The following TP63 variants were observed in gnomAD, a reference collection of about 807,000 sequenced individuals.
The protein encoded by TP63 is tumor protein 63.
TP63 carries 17 observed loss-of-function variants against 82.8 expected under a neutral mutation model. The ratio of observed to expected loss-of-function variants is 0.21; its 90% CI spans 0.14 to 0.31. The LOEUF (loss-of-function observed/expected upper bound fraction) is 0.31. TP63 is among the 10% of genes least tolerant of loss of function. The pLI is 1.00. For missense variants in TP63, 648 were observed against 895.3 expected, an observed-to-expected ratio of 0.72 and a Z score of 3.52; for synonymous variants, 330 against 321.7, an observed-to-expected ratio of 1.03 and a Z score of -0.28.
intron 1 of TP63, among the ~76,000 whole-genome samples, chr3:189,730,585 C>T (rs1560140981): frequency 6.6e-6 from 1 of 152,202 alleles, no homozygotes; most frequent in Non-Finnish European, 1.5e-5. Context: ...GTAACAACTT[C>T]CCTATCCTTG....
At chr3:189,873,650 A>G (rs1240240259) in intron 10 of TP63, 1 of 157,746 alleles carries the variant, frequency 6.3e-6, no homozygotes, top group Non-Finnish European at 1.4e-5. Flanking sequence ...CCATATACAT[A>G]TAACCTATTT....
chr3:189,665,521 A>C (rs1379184600), intron 1 of TP63, among the ~76,000 whole-genome samples: 1 of 152,114 alleles, frequency 6.6e-6, no homozygotes, highest in African/African-American at 2.4e-5. Flanking sequence ...ATTTGATGTT[A>C]TTGATATTTG....
intron 1 of TP63, among the ~76,000 whole-genome samples, chr3:189,684,410 T>G (rs1716237892): frequency 6.6e-6 from 1 of 152,006 alleles, no homozygotes; most frequent in Admixed American, 6.5e-5. Flanking sequence ...CTTTACAAAG[T>G]CAAAAAAGAT....
chr3:189,639,887 A>G (rs1036389483), intron 1 of TP63, among the ~76,000 whole-genome samples: 9 of 152,170 alleles, frequency 5.9e-5, no homozygotes, highest in African/African-American at 1.9e-4. Flanking sequence ...AGTCAAGTAT[A>G]TTATGCCTTA....
chr3:189,852,593 C>T (rs936042407), intron 4 of TP63, among the ~76,000 whole-genome samples: 2 of 152,146 alleles, frequency 1.3e-5, no homozygotes, highest in Non-Finnish European at 2.9e-5. Context: ...TTTCTACTGC[C>T]CTAGGTTGGG....
At chr3:189,834,676 C>T (rs755563334) in intron 4 of TP63, among the ~76,000 whole-genome samples, 3 of 152,164 alleles carry the variant, frequency 2.0e-5, no homozygotes, top group Non-Finnish European at 4.4e-5. Context: ...TTTCATCTGT[C>T]TGGTGATTAA....
chr3:189,817,960 C>T (rs781171850), intron 4 of TP63, among the ~76,000 whole-genome samples: 5 of 151,190 alleles, frequency 3.3e-5, no homozygotes, highest in East Asian at 1.9e-4. Flanking sequence ...AATAAATATG[C>T]GCATTTAGAT....
intron 1 of TP63, among the ~76,000 whole-genome samples, chr3:189,686,833 C>A (rs933602594): frequency 6.6e-6 from 1 of 150,936 alleles, no homozygotes; most frequent in African/African-American, 2.4e-5. Flanking sequence ...CAGGTTCAAG[C>A]GATTCTCCTG....
intron 1 of TP63, among the ~76,000 whole-genome samples, chr3:189,672,209 G>C (rs1047593041): frequency 5.9e-5 from 9 of 151,954 alleles, no homozygotes; most frequent in African/African-American, 2.2e-4. Context: ...GAAAAAAATA[G>C]GTTGCAGCCA....
intron 3 of TP63, among the ~76,000 whole-genome samples, chr3:189,782,206 G>A (rs368403310): frequency 2.6e-5 from 4 of 152,280 alleles, no homozygotes; most frequent in African/African-American, 9.6e-5. Context: ...ATATCCCAGT[G>A]TGGAATCAGA....
In TP63 at chr3:189,869,512, G is replaced by A. The variant is rs6765966; in HGVS notation, c.1212+106G>A. On this transcript the variant is annotated intron_variant, in intron 9 of 13. Transcript: ENST00000264731. Reference sequence around the variant, plus strand: ...TATCTGTGACAATGGGAAAGGAGGTGTCTTAGTCAGTTGAAGCTGCTACAA... The same window carrying A: ...TATCTGTGACAATGGGAAAGGAGGTATCTTAGTCAGTTGAAGCTGCTACAA... The A allele has an allele frequency of 4.3e-4, 440 of 1,017,572 alleles. 3 individuals are homozygous for A. In the African/African-American group the frequency reaches 6.3e-3, roughly 14 times the overall value. The allele number at this position is 1,017,572 out of a possible 1,614,324, so 63.0% of individuals were successfully genotyped here.
chr3:189,744,744 T>C (rs1364107310), intron 3 of TP63, among the ~76,000 whole-genome samples: 2 of 152,188 alleles, frequency 1.3e-5, no homozygotes, highest in Non-Finnish European at 2.9e-5. Flanking sequence ...CTCAAGAACC[T>C]GCCTACCCAC....
intron 4 of TP63, among the ~76,000 whole-genome samples, chr3:189,831,818 CTTTTTTTTTT>C (rs1156431272): frequency 1.4e-5 from 1 of 73,170 alleles, no homozygotes; most frequent in Non-Finnish European, 2.5e-5. Flanking sequence ...CTATTATGCT[CTTTTTTTTTT>C]TTTTTTTTTT....
At chr3:189,834,310 C>T (rs1483820315) in intron 4 of TP63, among the ~76,000 whole-genome samples, 1 of 152,134 alleles carries the variant, frequency 6.6e-6, no homozygotes, top group Non-Finnish European at 1.5e-5. Context: ...ATGTGTCTTA[C>T]TGGCACTGAC....
chr3:189,824,740 C>T (rs1729155231), intron 4 of TP63, among the ~76,000 whole-genome samples: 1 of 151,942 alleles, frequency 6.6e-6, no homozygotes, highest in Admixed American at 6.6e-5. Flanking sequence ...GAGGGAGAGG[C>T]CCTTGTCAGA....
intron 1 of TP63, among the ~76,000 whole-genome samples, chr3:189,632,511 A>G (rs569739671): frequency 2.6e-5 from 4 of 152,304 alleles, no homozygotes; most frequent in African/African-American, 9.6e-5. Context: ...GCTACAACGT[A>G]GAACACTAAT....
the TP63 span, among the ~76,000 whole-genome samples, chr3:189,625,927 A>G: frequency 2.0e-5 from 3 of 152,230 alleles, no homozygotes; most frequent in East Asian, 3.9e-4. Context: ...TCCTGCCCCA[A>G]TTGGCCTCTG....
intron 3 of TP63, among the ~76,000 whole-genome samples, chr3:189,788,303 A>G (rs1403137839): frequency 6.6e-6 from 1 of 152,024 alleles, no homozygotes; most frequent in East Asian, 1.9e-4. Flanking sequence ...TATTACCAGT[A>G]ACCTATGGGT....
At chr3:189,647,429 T>G (rs1712509315) in intron 1 of TP63, among the ~76,000 whole-genome samples, 1 of 147,036 alleles carries the variant, frequency 6.8e-6, no homozygotes, top group South Asian at 2.2e-4. Flanking sequence ...TCACTAAATA[T>G]GACTCATATT....
Sources: gnomAD v4.1 joint callset for allele counts (sites outside exome capture counted in the v4.1 genomes callset) on GRCh38, gnomAD v4.1.1 for gene constraint, MANE v1.5 for transcripts, NCBI Gene and HGNC (gene_info 2026-07-23, HGNC 2026-07-21) for gene names.